The following KAT6B variants were observed in gnomAD, a reference collection of about 807,000 sequenced individuals.
KAT6B encodes histone acetyltransferase KAT6B.
A neutral mutation model predicts 187.5 loss-of-function variants in KAT6B; 10 were observed. The observed-to-expected ratio is 0.05, with a 90% CI of 0.03 to 0.09. The LOEUF (loss-of-function observed/expected upper bound fraction) is 0.09, where lower values mean the gene tolerates loss of function less well. Ranked by LOEUF, KAT6B falls within the 10% of genes least tolerant of loss-of-function variation. The pLI, the probability that KAT6B is intolerant of heterozygous loss-of-function variation, is 1.00. For synonymous variants in KAT6B, 861 were observed against 926.8 expected, an observed-to-expected ratio of 0.93 and a Z score of 1.29; for missense variants, 1,952 against 2,558.9, an observed-to-expected ratio of 0.76 and a Z score of 5.12.
intron 3 of KAT6B, among the ~76,000 whole-genome samples, chr10:74,880,365 G>T (rs1398267387): frequency 6.6e-6 from 1 of 152,242 alleles, no homozygotes; most frequent in East Asian, 1.9e-4. Context: ...CTTTCACTGA[G>T]CATAATTTTT....
chr10:74,922,254 T>C (rs1848191311), intron 3 of KAT6B, among the ~76,000 whole-genome samples: 1 of 152,206 alleles, frequency 6.6e-6, no homozygotes, highest in South Asian at 2.1e-4. Context: ...TAATCAGGGA[T>C]TCTTAATATC....
intron 3 of KAT6B, among the ~76,000 whole-genome samples, chr10:74,908,685 AT>A: frequency 6.6e-6 from 1 of 152,180 alleles, no homozygotes. Flanking sequence ...AAAAATGGGA[AT>A]TTTATGTGGG....
intron 3 of KAT6B, among the ~76,000 whole-genome samples, chr10:74,896,543 G>T (rs1037588612): frequency 3.3e-5 from 5 of 152,102 alleles, no homozygotes; most frequent in African/African-American, 1.2e-4. Flanking sequence ...ACCTGCCTTG[G>T]CCTCCCAAAG....
chr10:75,003,915 A>T (rs1844025514), intron 13 of KAT6B, among the ~76,000 whole-genome samples: 1 of 152,206 alleles, frequency 6.6e-6, no homozygotes, highest in Non-Finnish European at 1.5e-5. Context: ...GCTCTTATAG[A>T]ATAGTTTGTA....
intron 3 of KAT6B, among the ~76,000 whole-genome samples, chr10:74,943,183 A>G (rs1849826041): frequency 6.6e-6 from 1 of 152,248 alleles, no homozygotes; most frequent in Non-Finnish European, 1.5e-5. Context: ...TCTATATGGT[A>G]GCAATGAAGA....
chr10:74,942,405 T>A (rs1437177000), intron 3 of KAT6B, among the ~76,000 whole-genome samples: 2 of 152,106 alleles, frequency 1.3e-5, no homozygotes, highest in South Asian at 4.1e-4. Flanking sequence ...AATCCATTAA[T>A]GATATAAACT....
At chr10:74,918,102 C>G (rs1847836301) in intron 3 of KAT6B, among the ~76,000 whole-genome samples, 1 of 152,074 alleles carries the variant, frequency 6.6e-6, no homozygotes, top group South Asian at 2.1e-4. Context: ...AAGATTGTTA[C>G]TGTACTTTTG....
At chr10:74,881,034 C>T (rs1844817703) in intron 3 of KAT6B, among the ~76,000 whole-genome samples, 1 of 152,036 alleles carries the variant, frequency 6.6e-6, no homozygotes, top group Admixed American at 6.5e-5. Flanking sequence ...AGCCATTATC[C>T]TACCTCAGCC....
At chr10:74,947,874 C>G (rs781109733) in intron 3 of KAT6B, among the ~76,000 whole-genome samples, 31 of 152,286 alleles carry the variant, frequency 2.0e-4, no homozygotes, top group South Asian at 4.1e-4. Context: ...TCCAACACAC[C>G]TTACAGTGAA....
intron 3 of KAT6B, among the ~76,000 whole-genome samples, chr10:74,937,852 G>A (rs186868488): frequency 6.6e-6 from 1 of 152,292 alleles, no homozygotes; most frequent in African/African-American, 2.4e-5. Context: ...ACTAACTACT[G>A]CAATTGCTGT....
In KAT6B at chr10:75,030,652, T is replaced by G; in HGVS notation, c.5828T>G (p.Ile1943Ser). 6.2e-7 allele frequency: 1 copy of G among 1,614,164 alleles called. No homozygotes were observed. The highest frequency in any genetic ancestry group is 1.7e-5 in the Admixed American group (1 of 60,020). Residue 1943 changes from isoleucine to serine, a missense_variant, in exon 18 of 18, where the codon ATC (isoleucine) becomes AGC (serine). This residue lies in a region of KAT6B where 358 missense variants were observed against 436.3 expected (regional missense o/e 0.82). Transcript: ENST00000287239. The surrounding 1 kb of genome is among the most constrained non-coding windows in gnomAD (Gnocchi z 4.8). ...GCCGCTGCCACCCATCAGTCACAAATCTATGGGCGCTCCCAGACTGTAGCC... is the reference window on the plus strand; with the variant it reads ...GCCGCTGCCACCCATCAGTCACAAAGCTATGGGCGCTCCCAGACTGTAGCC... Reference protein sequence around the residue: ...SPAAATHQSQIYGRSQTVAMQ... With the variant: ...SPAAATHQSQSYGRSQTVAMQ...
At chr10:74,922,874 G>C (rs761329241) in intron 3 of KAT6B, among the ~76,000 whole-genome samples, 38 of 152,100 alleles carry the variant, frequency 2.5e-4, no homozygotes, top group Non-Finnish European at 4.9e-4. Context: ...ATAAAAGTGA[G>C]CCAGGTTTAA....
intron 3 of KAT6B, among the ~76,000 whole-genome samples, chr10:74,863,643 T>TAGAGG (rs1318749854): frequency 6.6e-6 from 1 of 152,248 alleles, no homozygotes; most frequent in Non-Finnish European, 1.5e-5. Context: ...GTTAATGTAG[T>TAGAGG]AGAGGGAAGA....
intron 13 of KAT6B, among the ~76,000 whole-genome samples, chr10:75,018,862 C>T (rs902979122): frequency 2.6e-5 from 4 of 152,274 alleles, no homozygotes; most frequent in East Asian, 1.9e-4. Flanking sequence ...TCTATATCCA[C>T]GGCTCTATGG....
intron 3 of KAT6B, among the ~76,000 whole-genome samples, chr10:74,959,035 T>TATAAATAAATAAATAAATAAATAA (rs10652616): frequency 3.5e-5 from 5 of 144,440 alleles, no homozygotes; most frequent in African/African-American, 1.1e-4. Context: ...AGACTCTGTC[T>TATAAATAAATAAATAAATAAATAA]ATAAATAAAT....
chr10:74,912,250 TATCCTA>T (rs1847266135), intron 3 of KAT6B, among the ~76,000 whole-genome samples: 1 of 152,200 alleles, frequency 6.6e-6, no homozygotes, highest in African/African-American at 2.4e-5. Context: ...AGTCTGCAAA[TATCCTA>T]ATTTCTAGGT....
intron 3 of KAT6B, among the ~76,000 whole-genome samples, chr10:74,925,206 A>G (rs186174789): frequency 1.3e-5 from 2 of 152,114 alleles, no homozygotes; most frequent in Admixed American, 6.5e-5. Flanking sequence ...ACGTCTGGCT[A>G]ATTTTTGTAT....
chr10:74,891,977 T>C (rs1272141921), intron 3 of KAT6B, among the ~76,000 whole-genome samples: 1 of 152,226 alleles, frequency 6.6e-6, no homozygotes, highest in African/African-American at 2.4e-5. Flanking sequence ...GGGCATTTTC[T>C]GTTCTTGCCT....
intron 11 of KAT6B, chr10:74,983,206 T>C (rs2133812174): frequency 6.6e-6 from 1 of 152,372 alleles, no homozygotes; most frequent in Admixed American, 6.5e-5. Context: ...AGTTCTTTGT[T>C]GTAGGGGCTA....
Sources: allele counts gnomAD v4.1 joint callset (sites outside exome capture counted in the v4.1 genomes callset), GRCh38; gene constraint gnomAD v4.1.1; regional missense constraint gnomAD v4.1.1; non-coding constraint Gnocchi (gnomAD v3.1); transcripts MANE v1.5; gene names NCBI Gene and HGNC (gene_info 2026-07-23, HGNC 2026-07-21).